UNC5C: variants seen among roughly 807,000 people sequenced by gnomAD.
UNC5C encodes the protein netrin receptor UNC5C.
In UNC5C, 47 loss-of-function variants were observed where a neutral mutation model predicts 99.8. That is an observed-to-expected ratio of 0.47 (90% CI 0.37 to 0.60). The LOEUF (loss-of-function observed/expected upper bound fraction) is 0.60. UNC5C is among the 20% of genes least tolerant of loss of function. UNC5C has a pLI of 0.00. For synonymous variants in UNC5C, 487 were observed against 452.2 expected (o/e 1.08, Z -0.98); for missense variants, 1,062 against 1,165.9 (o/e 0.91, Z 1.30).
chr4:95,344,307 G>C (rs971299670), intron 1 of UNC5C, among the ~76,000 whole-genome samples: 20 of 151,328 alleles, frequency 1.3e-4, no homozygotes, highest in African/African-American at 4.9e-4. Flanking sequence ...AGTGCTGAAG[G>C]AAAAAAAATC....
rs1413958450 is a variant in UNC5C, at chr4:95,166,245, A to G, written c.*2989T>C. ...GGTTGATGAAGTGGCTTCCTATGAA[A>G]TGAACTGTTATATCTGGACCTTCTA... On this transcript the variant is annotated 3_prime_UTR_variant, in exon 16 of 16. Coordinates refer to ENST00000453304, the MANE Select transcript of UNC5C (RefSeq NM_003728.4). 1 of 152,256 alleles carries G rather than the reference A, an allele frequency of 6.6e-6. No individual in the cohort carries two copies. The highest frequency in any genetic ancestry group is 2.4e-5 in the African/African-American group (1 of 41,472). 9.4% of individuals were successfully genotyped at this position (152,256 alleles called of 1,614,324 possible). A position where few individuals can be genotyped will look rare whatever the true frequency, so the allele number is the denominator to read the frequency against.
chr4:95,242,401 T>C lies in UNC5C; in HGVS notation c.1108+28A>G, dbSNP rs768435855. 41 of 1,613,654 alleles carry C rather than the reference T, an allele frequency of 2.5e-5. No individual in the cohort carries two copies. In the Admixed American group the frequency reaches 6.5e-4, roughly 26 times the overall value. ...ATGGTTCAATCTCCAGCCCCCTCAA[T>C]GTCTGCAGTTTGCTTAAATTGACTT... On this transcript the variant is annotated intron_variant, in intron 7 of 15. Coordinates refer to ENST00000453304, the MANE Select transcript of UNC5C (RefSeq NM_003728.4).
chr4:95,349,492 A>G (rs1454485264), intron 1 of UNC5C, among the ~76,000 whole-genome samples: 1 of 150,712 alleles, frequency 6.6e-6, no homozygotes, highest in Non-Finnish European at 1.5e-5. Flanking sequence ...GGAGGGCTTT[A>G]TGGGGGATTT....
intron 1 of UNC5C, among the ~76,000 whole-genome samples, chr4:95,463,137 T>C (rs920361235): frequency 6.6e-6 from 1 of 152,100 alleles, no homozygotes; most frequent in Non-Finnish European, 1.5e-5. Context: ...TCTAGCCACA[T>C]AGAGCACTAA....
intron 12 of UNC5C, among the ~76,000 whole-genome samples, chr4:95,186,457 T>G: frequency 6.6e-6 from 1 of 152,256 alleles, no homozygotes; most frequent in Non-Finnish European, 1.5e-5. Flanking sequence ...TTGAACGAAT[T>G]CTAACCCATG....
intron 14 of UNC5C, among the ~76,000 whole-genome samples, chr4:95,182,661 A>G (rs1736658899): frequency 6.6e-6 from 1 of 152,206 alleles, no homozygotes; most frequent in African/African-American, 2.4e-5. Context: ...CTTAAAATTC[A>G]TGTCATAAAA....
chr4:95,448,238 G>GAGAC (rs1747175576), intron 1 of UNC5C, among the ~76,000 whole-genome samples: 6 of 137,046 alleles, frequency 4.4e-5, no homozygotes, highest in South Asian at 2.3e-4. Flanking sequence ...GAGAGAGAGA[G>GAGAC]AGAGAGAGAG....
intron 1 of UNC5C, among the ~76,000 whole-genome samples, chr4:95,379,443 A>C (rs925324904): frequency 1.3e-5 from 2 of 152,132 alleles, no homozygotes; most frequent in African/African-American, 4.8e-5. Flanking sequence ...AACAACATTA[A>C]ATTATGCGAA....
intron 1 of UNC5C, among the ~76,000 whole-genome samples, chr4:95,471,267 A>T (rs1442267967): frequency 2.0e-5 from 3 of 152,166 alleles, no homozygotes; most frequent in Admixed American, 6.6e-5. Flanking sequence ...CGCTAAAAGC[A>T]TAACAATGTG....
chr4:95,315,232 T>C (rs899307430), intron 2 of UNC5C, among the ~76,000 whole-genome samples: 4 of 152,168 alleles, frequency 2.6e-5, no homozygotes, highest in Non-Finnish European at 5.9e-5. Context: ...GGTAAGCTGC[T>C]GTAACATTTA....
intron 3 of UNC5C, among the ~76,000 whole-genome samples, chr4:95,288,552 A>G (rs1366528560): frequency 6.6e-6 from 1 of 152,216 alleles, no homozygotes; most frequent in African/African-American, 2.4e-5. Context: ...GCTTAAAACA[A>G]CAGAAATATA....
At chr4:95,317,832 C>A (rs534170791) in intron 2 of UNC5C, among the ~76,000 whole-genome samples, 1 of 152,220 alleles carries the variant, frequency 6.6e-6, no homozygotes, top group African/African-American at 2.4e-5. Flanking sequence ...TACTTTCAAC[C>A]CCCACCACTC....
intron 14 of UNC5C, among the ~76,000 whole-genome samples, chr4:95,173,309 G>C (rs1485997317): frequency 0.013 from 1,354 of 106,482 alleles, no homozygotes; most frequent in Admixed American, 0.022. Context: ...GGGCATCCCT[G>C]TCTTGTGCCA....
chr4:95,437,425 A>G (rs1746826314), intron 1 of UNC5C, among the ~76,000 whole-genome samples: 1 of 151,952 alleles, frequency 6.6e-6, no homozygotes, highest in Non-Finnish European at 1.5e-5. Context: ...ATAGTATCGT[A>G]TAAATGAGAA....
chr4:95,364,623 G>C, intron 1 of UNC5C, among the ~76,000 whole-genome samples: 1 of 152,128 alleles, frequency 6.6e-6, no homozygotes, highest in African/African-American at 2.4e-5. Context: ...CAGGCTCAAA[G>C]GCCGGGTGAC....
intron 1 of UNC5C, among the ~76,000 whole-genome samples, chr4:95,513,833 T>C (rs925076621): frequency 6.6e-6 from 1 of 152,194 alleles, no homozygotes; most frequent in South Asian, 2.1e-4. Context: ...GTCTCTTAAA[T>C]GTATGTCTAA....
At chr4:95,476,504 G>T (rs180957644) in intron 1 of UNC5C, among the ~76,000 whole-genome samples, 1 of 152,092 alleles carries the variant, frequency 6.6e-6, no homozygotes, top group African/African-American at 2.4e-5. Context: ...TAACTTTTTA[G>T]AACTGGGGTG....
chr4:95,470,413 T>C (rs75495889), intron 1 of UNC5C, among the ~76,000 whole-genome samples: 2,515 of 152,204 alleles, frequency 0.017, 58 homozygotes, highest in African/African-American at 0.058. Context: ...TCAGTTTACC[T>C]TGGGTTACCT....
intron 1 of UNC5C, among the ~76,000 whole-genome samples, chr4:95,439,536 T>C (rs963703235): frequency 2.0e-5 from 3 of 152,186 alleles, no homozygotes; most frequent in Admixed American, 6.6e-5. Flanking sequence ...AAACAAAATA[T>C]TTTATTTGAA....
Sources: allele counts gnomAD v4.1 joint callset (sites outside exome capture counted in the v4.1 genomes callset), GRCh38; gene constraint gnomAD v4.1.1; transcripts MANE v1.5; gene names NCBI Gene and HGNC (gene_info 2026-07-23, HGNC 2026-07-21).